Variants in IQGAP1 observed in about 807,000 individuals in gnomAD.
IQGAP1 encodes ras GTPase-activating-like protein IQGAP1.
Under a neutral mutation model 215.6 loss-of-function variants are expected in IQGAP1, and 66 were observed. The ratio of observed to expected loss-of-function variants is 0.31; its 90% CI spans 0.25 to 0.38. IQGAP1 has a LOEUF of 0.38. Among genes scored for constraint, IQGAP1 ranks in the 10% least tolerant of loss-of-function variants. The probability of loss-of-function intolerance (pLI) is 1.00; values close to 1 mark genes in which losing one functional copy is unlikely to be tolerated. For synonymous variants in IQGAP1, 772 were observed against 728.7 expected (o/e 1.06, Z -0.96); for missense variants, 1,712 against 1,997.1 (o/e 0.86, Z 2.72).
At chr15:90,495,771 G>A (rs1458461290) in intron 36 of IQGAP1, among the ~76,000 whole-genome samples, 5 of 149,648 alleles carry the variant, frequency 3.3e-5, no homozygotes, top group African/African-American at 9.8e-5. Context: ...CCAATTAGGT[G>A]GGACTACAGG....
chr15:90,423,773 C>T (rs1466893990), intron 2 of IQGAP1, among the ~76,000 whole-genome samples: 1 of 152,170 alleles, frequency 6.6e-6, no homozygotes, highest in African/African-American at 2.4e-5. Context: ...ATATAAAGAG[C>T]ATTCTACCCA....
intron 5 of IQGAP1, among the ~76,000 whole-genome samples, chr15:90,436,688 A>C (rs1470955961): frequency 1.3e-5 from 2 of 152,254 alleles, no homozygotes; most frequent in East Asian, 3.8e-4. Context: ...ATGGGAGAGC[A>C]GGAGCAAAGA....
intron 2 of IQGAP1, among the ~76,000 whole-genome samples, chr15:90,404,017 T>C (rs1964841360): frequency 6.6e-6 from 1 of 152,230 alleles, no homozygotes; most frequent in African/African-American, 2.4e-5. Context: ...TGGAATGAAG[T>C]GCCTCTTTTT....
At chr15:90,469,976 T>C (rs1390400148) in intron 18 of IQGAP1, among the ~76,000 whole-genome samples, 1 of 151,896 alleles carries the variant, frequency 6.6e-6, no homozygotes, top group Non-Finnish European at 1.5e-5. Flanking sequence ...GAATTCAGGG[T>C]ACAACTTCTA....
At position 90,415,953 on chromosome 15, in the gene IQGAP1, G is replaced by GA. The variant is rs1343997399; in HGVS notation, c.156-10155dup. Reference sequence around the variant, plus strand: ...CTACCACAGTGACTTACCGTTCCCTGAATGTGCCATTTGTTTTCAGCCTTT... The same window carrying GA: ...CTACCACAGTGACTTACCGTTCCCTGAAATGTGCCATTTGTTTTCAGCCTTT... On this transcript the variant is annotated intron_variant, in intron 2 of 37. Coordinates refer to ENST00000268182, the MANE Select transcript of IQGAP1 (RefSeq NM_003870.4). Among the ~76,000 whole-genome samples, 3 of 141,240 alleles carry GA rather than the reference G, an allele frequency of 2.1e-5. No homozygotes were observed. The East Asian group carries it at 6.6e-4, about 31-fold the overall frequency. 92.7% of individuals were successfully genotyped at this position (141,240 alleles called of 152,430 possible).
chr15:90,462,679 C>T (rs1965779527), intron 15 of IQGAP1, among the ~76,000 whole-genome samples: 1 of 152,132 alleles, frequency 6.6e-6, no homozygotes, highest in Admixed American at 6.5e-5. Context: ...ATGTACATAA[C>T]ATAGTCATTC....
rs746631930 is a variant in IQGAP1, at chr15:90,492,744, CAGAATT to C, written c.4628+37_4628+42del. 6 of 1,577,492 alleles carry C rather than the reference CAGAATT, an allele frequency of 3.8e-6. 1 individual carries two copies. The African/African-American group carries it at 4.1e-5, about 11-fold the overall frequency. On this transcript the variant is annotated intron_variant, in intron 35 of 37. Transcript: ENST00000268182. ...TTTTTTCTTTTTAAAGAATCAATGT[CAGAATT>C]AGAGTGAGGAAAAAGCAGAGGCAAC... is the stretch of plus-strand genomic sequence containing the variant.
rs61027402 is a variant in IQGAP1, at chr15:90,484,748, A to G, written c.3921+396A>G. 8.1e-3 allele frequency among the ~76,000 whole-genome samples: 1,229 copies of G among 152,110 alleles called. 16 individuals are homozygous for G. Among genetic ancestry groups the G allele is most frequent in the African/African-American group, 0.028 (1,162 of 41,474 alleles). On this transcript the variant is annotated intron_variant, in intron 30 of 37. Coordinates refer to ENST00000268182, the MANE Select transcript of IQGAP1 (RefSeq NM_003870.4). ...ATGGTGTCGATATCCTGACCTCATGATCTGCCCACCTCGGCCCCCAAAAGT... is the reference window on the plus strand; with the variant it reads ...ATGGTGTCGATATCCTGACCTCATGGTCTGCCCACCTCGGCCCCCAAAAGT...
At chr15:90,396,167 C>T (rs953616790) in intron 2 of IQGAP1, among the ~76,000 whole-genome samples, 1 of 152,138 alleles carries the variant, frequency 6.6e-6, no homozygotes, top group Non-Finnish European at 1.5e-5. Flanking sequence ...CTTTTTTGTG[C>T]ATATGTCTTT....
At chr15:90,456,004 AAAC>A in intron 14 of IQGAP1, 145 bp from the exon 15 acceptor site, 1 of 616,492 alleles carries the variant, frequency 1.6e-6, no homozygotes, top group South Asian at 2.4e-5. Flanking sequence ...TAAAAAATGA[AAAC>A]AGTGCTGCTT....
chr15:90,473,078 T>C, intron 19 of IQGAP1, 68 bp downstream of exon 19: 1 of 1,445,786 alleles, frequency 6.9e-7, no homozygotes, highest in East Asian at 2.3e-5. Flanking sequence ...CGGTCAGCTG[T>C]CACCATTGAC....
At chr15:90,429,319 A>G (rs1374156240) in intron 3 of IQGAP1, among the ~76,000 whole-genome samples, 1 of 152,238 alleles carries the variant, frequency 6.6e-6, no homozygotes, top group East Asian at 1.9e-4. Flanking sequence ...CCAGTAGATT[A>G]CTAAGCCAGT....
rs1966085206 is a variant in IQGAP1 at position 90,483,408 on chromosome 15, T to G, written c.3603T>G (p.Val1201=). 1.2e-6 allele frequency: 2 copies of G among 1,614,230 alleles called. No homozygotes were observed. The highest frequency in any genetic ancestry group is 1.7e-6 in the Non-Finnish European group (2 of 1,180,040). The change falls in exon 29 of 38, where the codon GTT becomes GTG. Residue 1201 remains valine, a synonymous_variant. Coordinates refer to ENST00000268182, the MANE Select transcript of IQGAP1 (RefSeq NM_003870.4). Reference sequence around the variant, plus strand: ...ATCGATACATGAATCCAGCCATTGTTGCTCCTGATGCCTTTGACATCATTG... The same window carrying G: ...ATCGATACATGAATCCAGCCATTGTGGCTCCTGATGCCTTTGACATCATTG... ...LYYRYMNPAI[V]APDAFDIIDL...
At chr15:90,464,824 T>C (rs939797260) in intron 15 of IQGAP1, among the ~76,000 whole-genome samples, 1 of 151,350 alleles carries the variant, frequency 6.6e-6, no homozygotes, top group Non-Finnish European at 1.5e-5. Context: ...TGCACTCCAG[T>C]CTGAGTGACA....
chr15:90,390,661 A>G, intron 1 of IQGAP1, 113 bp from the exon 2 acceptor site: 1 of 698,754 alleles, frequency 1.4e-6, no homozygotes, highest in East Asian at 2.6e-5. Context: ...CTACACACTC[A>G]TTAGTTATCC....
intron 5 of IQGAP1, among the ~76,000 whole-genome samples, chr15:90,437,491 A>T (rs1872144333): frequency 6.6e-6 from 1 of 152,198 alleles, no homozygotes; most frequent in Admixed American, 6.5e-5. Context: ...ATATATAAAA[A>T]ATATATAAAA....
At chr15:90,401,674 T>G (rs1423412476) in intron 2 of IQGAP1, among the ~76,000 whole-genome samples, 1 of 152,232 alleles carries the variant, frequency 6.6e-6, no homozygotes. Context: ...TATCTACATT[T>G]AACAGATAAG....
Position 90,483,423 on chromosome 15 carries a change from T to C in IQGAP1, c.3618T>C (p.Phe1206=), listed in dbSNP as rs1966085341. 1.1e-5 allele frequency: 18 copies of C among 1,614,222 alleles called. No homozygotes were observed. The highest frequency in any genetic ancestry group is 1.5e-5 in the Non-Finnish European group (18 of 1,180,030). ...MNPAIVAPDA[F]DIIDLSAGGQ... ...CAGCCATTGTTGCTCCTGATGCCTT[T>C]GACATCATTGACCTGTCAGCAGGAG... is the stretch of plus-strand genomic sequence containing the variant. Residue 1206 remains phenylalanine (F), a synonymous_variant, in exon 29 of 38, where the codon TTT becomes TTC. Transcript: ENST00000268182.
At chr15:90,416,934 TG>T (rs1232718469) in intron 2 of IQGAP1, among the ~76,000 whole-genome samples, 1 of 152,162 alleles carries the variant, frequency 6.6e-6, no homozygotes, top group Non-Finnish European at 1.5e-5. Context: ...TATCTCGTTG[TG>T]GTTTTGATTT....
Sources: allele counts gnomAD v4.1 joint callset (sites outside exome capture counted in the v4.1 genomes callset), GRCh38; gene constraint gnomAD v4.1.1; transcripts MANE v1.5; gene names NCBI Gene and HGNC (gene_info 2026-07-23, HGNC 2026-07-21).